Variants in CCDC60 observed in about 807,000 individuals in gnomAD.
CCDC60 encodes coiled-coil domain-containing protein 60.
Under a neutral mutation model 63.5 loss-of-function variants are expected in CCDC60, and 54 were observed. That is an observed-to-expected ratio of 0.85 (90% confidence interval 0.68 to 1.07). The LOEUF (loss-of-function observed/expected upper bound fraction) is 1.07. Ranked by LOEUF, CCDC60 falls within the 50% of genes least tolerant of loss-of-function variation. CCDC60 has a pLI of 0.00. For missense variants in CCDC60, 651 were observed against 684.3 expected (o/e 0.95, Z 0.54); for synonymous variants, 206 against 238.8 (o/e 0.86, Z 1.27).
intron 1 of CCDC60, among the ~76,000 whole-genome samples, chr12:119,385,442 T>C (rs937347347): frequency 1.3e-5 from 2 of 152,206 alleles, no homozygotes; most frequent in African/African-American, 2.4e-5. Context: ...GTTATTGTGA[T>C]AGTGAATAAG....
intron 4 of CCDC60, among the ~76,000 whole-genome samples, chr12:119,484,605 C>T (rs1447848679): frequency 6.6e-6 from 1 of 151,912 alleles, no homozygotes; most frequent in Non-Finnish European, 1.5e-5. Context: ...CCCAGCCACT[C>T]AGAAGACTGA....
In CCDC60 at chr12:119,387,034, T is replaced by TCTCACACACACACA. The variant is rs543330015; in HGVS notation, c.91-41648_91-41647insTCACACACACACAC. On this transcript the variant is annotated intron_variant, in intron 1 of 13. Coordinates refer to ENST00000327554, the MANE Select transcript of CCDC60 (RefSeq NM_178499.5). ...CTCCCTCCCTCCCCCTCTGTCTCTCTCACACACACACACACACACACACAC... is the reference window on the plus strand; with the variant it reads ...CTCCCTCCCTCCCCCTCTGTCTCTCTCTCACACACACACACACACACACACACACACACACACAC... Among the ~76,000 whole-genome samples, 206 of 105,422 alleles carry TCTCACACACACACA rather than the reference T, an allele frequency of 2.0e-3. 1 individual carries two copies. In the East Asian group the frequency reaches 0.021, roughly 11 times the overall value. 69.2% of individuals were successfully genotyped at this position (105,422 alleles called of 152,430 possible). A position where few individuals can be genotyped will look rare whatever the true frequency, so the allele number is the denominator to read the frequency against.
At chr12:119,384,557 G>A (rs968216085) in intron 1 of CCDC60, among the ~76,000 whole-genome samples, 2 of 152,202 alleles carry the variant, frequency 1.3e-5, no homozygotes, top group East Asian at 3.8e-4. Context: ...AGTTCAGGGA[G>A]CCGGAGCTGG....
chr12:119,361,061 G>T, intron 1 of CCDC60, among the ~76,000 whole-genome samples: 1 of 152,000 alleles, frequency 6.6e-6, no homozygotes, highest in East Asian at 1.9e-4. Context: ...AGGCAGGGAG[G>T]TTGCAGTGAG....
At position 119,388,810 on chromosome 12, in the gene CCDC60, G is replaced by A. The variant is rs189370856; in HGVS notation, c.91-39873G>A. ...GAAGAAAATCCATTTCGTGGAATAG[G>A]TTATGGTGACATGCTTTCTAAATGG... On this transcript the variant is annotated intron_variant, in intron 1 of 13. Transcript: ENST00000327554. 2.0e-3 allele frequency among the ~76,000 whole-genome samples: 299 copies of A among 152,318 alleles called. 1 individual carries two copies. The highest frequency in any genetic ancestry group is 3.6e-3 in the Non-Finnish European group (248 of 68,026).
At chr12:119,336,814 C>A (rs562321818) in intron 1 of CCDC60, among the ~76,000 whole-genome samples, 1 of 152,294 alleles carries the variant, frequency 6.6e-6, no homozygotes, top group African/African-American at 2.4e-5. Flanking sequence ...ATTTGAAAAA[C>A]AAAGAAAAAT....
At chr12:119,409,203 G>T (rs1269882335) in intron 1 of CCDC60, among the ~76,000 whole-genome samples, 1 of 152,174 alleles carries the variant, frequency 6.6e-6, no homozygotes, top group African/African-American at 2.4e-5. Context: ...CAACCTGGGT[G>T]CTGGGTGCCC....
intron 2 of CCDC60, among the ~76,000 whole-genome samples, chr12:119,462,507 A>G (rs1338556475): frequency 6.6e-6 from 1 of 152,098 alleles, no homozygotes; most frequent in African/African-American, 2.4e-5. Flanking sequence ...TCTCACTTTA[A>G]AAAAAATTTT....
At chr12:119,345,300 G>A (rs1045961373) in intron 1 of CCDC60, among the ~76,000 whole-genome samples, 3 of 152,254 alleles carry the variant, frequency 2.0e-5, no homozygotes, top group Non-Finnish European at 2.9e-5. Flanking sequence ...TCAGGATTTC[G>A]AGACCAGCCT....
At chr12:119,422,330 A>G (rs1383653255) in intron 1 of CCDC60, among the ~76,000 whole-genome samples, 1 of 152,238 alleles carries the variant, frequency 6.6e-6, no homozygotes, top group Non-Finnish European at 1.5e-5. Context: ...ATATCTGCAG[A>G]GACGGTGTAT....
chr12:119,419,856 A>T (rs11064790), intron 1 of CCDC60, among the ~76,000 whole-genome samples: 1 of 147,402 alleles, frequency 6.8e-6, no homozygotes, highest in South Asian at 2.1e-4. Flanking sequence ...ACAAGGAGAG[A>T]TGTTAAATAA....
chr12:119,374,858 G>A (rs1955935058), intron 1 of CCDC60, among the ~76,000 whole-genome samples: 1 of 152,186 alleles, frequency 6.6e-6, no homozygotes, highest in South Asian at 2.1e-4. Context: ...CTTGGCATTT[G>A]TAAACTGTCC....
intron 11 of CCDC60, among the ~76,000 whole-genome samples, chr12:119,527,495 G>T (rs1952709234): frequency 6.6e-6 from 1 of 152,102 alleles, no homozygotes; most frequent in South Asian, 2.1e-4. Flanking sequence ...CCAGAAGTCA[G>T]AGGGGCACAG....
chr12:119,519,770 A>G (rs374726209), intron 8 of CCDC60, among the ~76,000 whole-genome samples: 5 of 151,666 alleles, frequency 3.3e-5, no homozygotes, highest in African/African-American at 1.2e-4. Context: ...GCCAGTAGCT[A>G]TATTTTTTAA....
chr12:119,518,284 A>G (rs945999269), intron 8 of CCDC60, among the ~76,000 whole-genome samples: 2 of 152,204 alleles, frequency 1.3e-5, no homozygotes, highest in Non-Finnish European at 2.9e-5. Flanking sequence ...CCACAGCACA[A>G]GCACTGGCTT....
intron 4 of CCDC60, among the ~76,000 whole-genome samples, chr12:119,486,079 G>T (rs1366225046): frequency 1.3e-5 from 2 of 152,196 alleles, no homozygotes; most frequent in Non-Finnish European, 2.9e-5. Context: ...ACCTCCTAGG[G>T]TTATGGGGAG....
At chr12:119,428,820 T>C (rs572886728) in intron 2 of CCDC60, 58 bp downstream of exon 2, 4 of 1,155,104 alleles carry the variant, frequency 3.5e-6, no homozygotes, top group East Asian at 4.9e-5. Flanking sequence ...GAGCAGGCTA[T>C]GGGGTGTTGC....
At chr12:119,538,538 G>A (rs771370809) in intron 13 of CCDC60, among the ~76,000 whole-genome samples, 4 of 152,120 alleles carry the variant, frequency 2.6e-5, no homozygotes, top group South Asian at 2.1e-4. Flanking sequence ...GTTCCTATTC[G>A]GCCATCTTGG....
intron 5 of CCDC60, 60 bp downstream of exon 5, chr12:119,488,926 A>T: frequency 3.7e-6 from 5 of 1,338,492 alleles, no homozygotes; most frequent in Non-Finnish European, 5.4e-6. Flanking sequence ...TGGGGAAGAG[A>T]TTCCTGTATG....
Sources: gnomAD v4.1 joint callset for allele counts (sites outside exome capture counted in the v4.1 genomes callset) on GRCh38, gnomAD v4.1.1 for gene constraint, MANE v1.5 for transcripts, NCBI Gene and HGNC (gene_info 2026-07-23, HGNC 2026-07-21) for gene names.